The following TCF7L2 variants were observed in gnomAD, a reference collection of about 807,000 sequenced individuals.
TCF7L2 encodes the protein transcription factor 7 like 2, also known as transcription factor 7-like 2.
A neutral mutation model predicts 77.9 loss-of-function variants in TCF7L2; 23 were observed. That is an observed-to-expected ratio of 0.30 (90% CI 0.21 to 0.42). TCF7L2 has a LOEUF of 0.42. TCF7L2 is among the 10% of genes least tolerant of loss of function. The pLI, the probability that TCF7L2 is intolerant of heterozygous loss-of-function variation, is 1.00. For synonymous variants in TCF7L2, 413 were observed against 340.2 expected (o/e 1.21, Z -2.36); for missense variants, 654 against 793.1 (o/e 0.82, Z 2.11).
chr10:113,016,486 C>T (rs775768336), intron 4 of TCF7L2, among the ~76,000 whole-genome samples: 8 of 152,158 alleles, frequency 5.3e-5, no homozygotes, highest in Non-Finnish European at 7.3e-5. Context: ...TCTATCGCAG[C>T]ATGTTCTGGA....
chr10:113,053,870 G>A (rs897076515), intron 5 of TCF7L2, among the ~76,000 whole-genome samples: 2 of 152,210 alleles, frequency 1.3e-5, no homozygotes, highest in African/African-American at 4.8e-5. Context: ...GGCTTGAGGG[G>A]AGGATGACGT....
At chr10:113,137,064 A>G (rs2136691798) in intron 5 of TCF7L2, among the ~76,000 whole-genome samples, 1 of 151,358 alleles carries the variant, frequency 6.6e-6, no homozygotes, top group African/African-American at 2.4e-5. Context: ...TGGCAATCTC[A>G]TTTATTGGCA....
At chr10:113,070,266 A>ATTTATATATAT (rs953072031) in intron 5 of TCF7L2, among the ~76,000 whole-genome samples, 135 of 96,422 alleles carry the variant, frequency 1.4e-3, no homozygotes, top group South Asian at 2.1e-3. Context: ...AAAAAAAAAA[A>ATTTATATATAT]ATTTATATAT....
At chr10:112,964,736 A>C in intron 4 of TCF7L2, 112 bp downstream of exon 4, 1 of 733,324 alleles carries the variant, frequency 1.4e-6, no homozygotes, top group Non-Finnish European at 2.0e-6. Flanking sequence ...GATGATGATG[A>C]TGATGGTGGT....
chr10:113,148,576 G>C (rs2070015597), intron 8 of TCF7L2, among the ~76,000 whole-genome samples: 1 of 152,180 alleles, frequency 6.6e-6, no homozygotes, highest in Admixed American at 6.5e-5. Flanking sequence ...GTGAGTAAGA[G>C]AGAAGCCCCT....
intron 5 of TCF7L2, among the ~76,000 whole-genome samples, chr10:113,120,110 G>T (rs544334398): frequency 2.4e-4 from 36 of 152,132 alleles, no homozygotes; most frequent in Non-Finnish European, 4.3e-4. Context: ...CAGAGGCTCC[G>T]CCAATAAAAG....
At chr10:113,090,088 T>A (rs185147533) in intron 5 of TCF7L2, among the ~76,000 whole-genome samples, 143 of 152,352 alleles carry the variant, frequency 9.4e-4, no homozygotes, top group African/African-American at 3.3e-3. Context: ...GAAGCATTGT[T>A]AATTTCCTTT....
chr10:113,097,654 A>AAAAAAAACAAAAAAAAAAAAAC (rs1564890103), intron 5 of TCF7L2, among the ~76,000 whole-genome samples: 15 of 129,242 alleles, frequency 1.2e-4, no homozygotes, highest in African/African-American at 4.2e-4. Flanking sequence ...CGGAAAAAAA[A>AAAAAAAACAAAAAAAAAAAAAC]AAAAAAAAAA....
At chr10:113,053,646 A>G (rs747651403) in intron 5 of TCF7L2, among the ~76,000 whole-genome samples, 3 of 152,202 alleles carry the variant, frequency 2.0e-5, no homozygotes, top group Non-Finnish European at 4.4e-5. Flanking sequence ...TTAGAGGTCT[A>G]GTGACATAAA....
intron 4 of TCF7L2, among the ~76,000 whole-genome samples, chr10:112,991,432 C>T (rs1293242527): frequency 2.8e-5 from 4 of 142,110 alleles, no homozygotes; most frequent in Admixed American, 2.7e-4. Context: ...GGCGTGAACC[C>T]GGGAGGCGGA....
intron 4 of TCF7L2, among the ~76,000 whole-genome samples, chr10:112,993,860 G>C (rs1032764190): frequency 1.3e-5 from 2 of 152,116 alleles, no homozygotes; most frequent in African/African-American, 4.8e-5. Context: ...TTCGAGACCA[G>C]CTTGGCCAAC....
At chr10:113,091,063 G>A (rs756378587) in intron 5 of TCF7L2, among the ~76,000 whole-genome samples, 17 of 151,996 alleles carry the variant, frequency 1.1e-4, no homozygotes, top group Non-Finnish European at 2.4e-4. Context: ...TACCATACCC[G>A]GCTAATTTTT....
intron 6 of TCF7L2, 107 bp downstream of exon 6, chr10:113,141,423 G>A: frequency 2.0e-6 from 3 of 1,496,256 alleles, no homozygotes; most frequent in Middle Eastern, 1.8e-4. Flanking sequence ...GGGGACTTTG[G>A]GGGAACGGTG....
At chr10:112,979,737 C>T (rs895541327) in intron 4 of TCF7L2, among the ~76,000 whole-genome samples, 4 of 150,498 alleles carry the variant, frequency 2.7e-5, no homozygotes, top group Non-Finnish European at 3.0e-5. Flanking sequence ...GCCTAGGTGA[C>T]GGAGCAAGAC....
intron 5 of TCF7L2, among the ~76,000 whole-genome samples, chr10:113,049,568 G>A (rs892001542): frequency 1.2e-4 from 19 of 152,012 alleles, no homozygotes; most frequent in African/African-American, 4.6e-4. Context: ...GAGTGTCTTT[G>A]CTGGTCTCCT....
At chr10:113,095,911 C>T (rs978791442) in intron 5 of TCF7L2, among the ~76,000 whole-genome samples, 2 of 152,172 alleles carry the variant, frequency 1.3e-5, no homozygotes, top group Non-Finnish European at 2.9e-5. Context: ...TTTCCCCTTT[C>T]GTCGTGAGTC....
intron 5 of TCF7L2, among the ~76,000 whole-genome samples, chr10:113,055,814 C>T (rs2055275988): frequency 6.6e-6 from 1 of 152,184 alleles, no homozygotes; most frequent in Non-Finnish European, 1.5e-5. Context: ...TTCCTCTGTG[C>T]TTTTATTTTG....
At chr10:112,996,636 T>G (rs2043535998) in intron 4 of TCF7L2, among the ~76,000 whole-genome samples, 1 of 152,182 alleles carries the variant, frequency 6.6e-6, no homozygotes, top group Non-Finnish European at 1.5e-5. Flanking sequence ...AGCTGACTTC[T>G]GGAGGGCACC....
intron 5 of TCF7L2, among the ~76,000 whole-genome samples, chr10:113,088,330 G>A (rs981544867): frequency 2.6e-5 from 4 of 151,958 alleles, no homozygotes; most frequent in Non-Finnish European, 5.9e-5. Flanking sequence ...TTCCCCCTCT[G>A]CCATTTACTA....
Sources: gnomAD v4.1 joint callset for allele counts (sites outside exome capture counted in the v4.1 genomes callset) on GRCh38, gnomAD v4.1.1 for gene constraint, MANE v1.5 for transcripts, NCBI Gene and HGNC (gene_info 2026-07-23, HGNC 2026-07-21) for gene names.